BEND2: variants seen among roughly 807,000 people sequenced by gnomAD.
BEND2 encodes BEN domain containing 2.
In BEND2, 19 loss-of-function variants were observed where a neutral mutation model predicts 43.8. The observed-to-expected ratio is 0.43, with a 90% CI of 0.30 to 0.64. The LOEUF (loss-of-function observed/expected upper bound fraction) is 0.64, where lower values mean the gene tolerates loss of function less well. BEND2 is among the 30% of genes least tolerant of loss of function. The probability of loss-of-function intolerance (pLI) is 0.11; values close to 1 mark genes in which losing one functional copy is unlikely to be tolerated. For synonymous variants in BEND2, 226 were observed against 210.1 expected, an observed-to-expected ratio of 1.08 and a Z score of -0.66; for missense variants, 544 against 574.0, an observed-to-expected ratio of 0.95 and a Z score of 0.53.
At chrX:18,208,203 A>C (rs925116674) in intron 4 of BEND2, among the ~76,000 whole-genome samples, 1 of 109,920 alleles carries the variant, frequency 9.1e-6, no homozygotes, top group African/African-American at 3.3e-5. Flanking sequence ...ATTCTAAAAA[A>C]TAGGCCAGGT....
intron 12 of BEND2, among the ~76,000 whole-genome samples, chrX:18,172,007 CTT>C (rs1158910774): frequency 9.0e-6 from 1 of 111,214 alleles, no homozygotes; most frequent in Non-Finnish European, 1.9e-5. Context: ...AGTTTTAAGA[CTT>C]TTCATTTCTC....
chrX:18,216,141 T>C (rs1451035836), intron 2 of BEND2, among the ~76,000 whole-genome samples: 1 of 111,672 alleles, frequency 9.0e-6, no homozygotes, highest in African/African-American at 3.3e-5. Flanking sequence ...TTTGAGACTT[T>C]CTACATAGAT....
chrX:18,205,170 G>C (rs776826929), intron 4 of BEND2, among the ~76,000 whole-genome samples: 2 of 110,639 alleles, frequency 1.8e-5, no homozygotes, highest in African/African-American at 6.6e-5. Flanking sequence ...CTTAAACAAA[G>C]GGCCAGAAAC....
At chrX:18,190,911 G>T in intron 8 of BEND2, 90 bp downstream of exon 8, 1 of 788,630 alleles carries the variant, frequency 1.3e-6, no homozygotes, top group Non-Finnish European at 1.8e-6. Flanking sequence ...ACTATTGGGG[G>T]AAACTGGGTA....
intron 3 of BEND2, among the ~76,000 whole-genome samples, chrX:18,212,988 C>G (rs1195200149): frequency 9.0e-6 from 1 of 111,633 alleles, no homozygotes; most frequent in East Asian, 2.8e-4. Context: ...GGGCTAACTG[C>G]TTTTGTAAAG....
chrX:18,214,208 C>T (rs1316533116), intron 2 of BEND2, among the ~76,000 whole-genome samples: 1 of 111,036 alleles, frequency 9.0e-6, no homozygotes, highest in Admixed American at 9.6e-5. Context: ...CAATTGAGCC[C>T]CGGAGTTCAA....
chrX:18,175,744 T>C (rs1447924198), intron 11 of BEND2, among the ~76,000 whole-genome samples: 1 of 112,418 alleles, frequency 8.9e-6, no homozygotes. Flanking sequence ...AATATACTAA[T>C]TATAGCACTT....
intron 12 of BEND2, among the ~76,000 whole-genome samples, chrX:18,172,798 C>T (rs1470634488): frequency 3.6e-5 from 4 of 110,608 alleles, no homozygotes; most frequent in African/African-American, 1.3e-4. Context: ...CAAAAAGAAA[C>T]AAAGTGGGAG....
At chrX:18,211,982 G>T (rs1171673497) in intron 4 of BEND2, among the ~76,000 whole-genome samples, 1 of 109,313 alleles carries the variant, frequency 9.1e-6, no homozygotes, top group Non-Finnish European at 1.9e-5. Flanking sequence ...AACTCATCTA[G>T]GATGGAAAAA....
At chrX:18,194,336 T>C (rs189590612) in intron 7 of BEND2, among the ~76,000 whole-genome samples, 68 of 110,892 alleles carry the variant, frequency 6.1e-4, no homozygotes, top group African/African-American at 2.0e-3. Flanking sequence ...TACATGAATG[T>C]TCAAAGTGGC....
At chrX:18,181,108 G>A (rs1386045262) in intron 8 of BEND2, among the ~76,000 whole-genome samples, 1 of 111,110 alleles carries the variant, frequency 9.0e-6, no homozygotes. Context: ...ATGATAGAAG[G>A]AACAGTGGCA....
rs753635122 is a variant in BEND2 at position 18,203,810 on chromosome X, C to T, written c.598G>A (p.Ala200Thr). 8.3e-7 allele frequency: 1 copy of T among 1,211,032 alleles called. No individual in the cohort carries two copies. Among genetic ancestry groups the T allele is most frequent in the East Asian group, 3.0e-5 (1 of 33,845 alleles). Reference sequence around the variant, plus strand: ...TATGATAAACTCTCACTGAGGTCTGCTTCCTGCAGTTCATGACATGCTGCT... The same window carrying T: ...TATGATAAACTCTCACTGAGGTCTGTTTCCTGCAGTTCATGACATGCTGCT... ...ESAACHELQEADLSESLSYPR... is the reference protein window; with the variant it reads ...ESAACHELQETDLSESLSYPR... Residue 200 changes from alanine (A) to threonine (T), a missense_variant, in exon 5 of 14, where the codon GCA becomes ACA. Around this residue, in one of 2 missense-constraint regions of BEND2, gnomAD observed 501 missense variants for 501.6 expected, o/e 1.00. Coordinates refer to ENST00000380033, the MANE Select transcript of BEND2 (RefSeq NM_153346.5).
intron 11 of BEND2, among the ~76,000 whole-genome samples, chrX:18,175,290 C>T (rs1029933498): frequency 1.2e-4 from 13 of 111,149 alleles, no homozygotes; most frequent in Non-Finnish European, 2.1e-4. Flanking sequence ...GACACAGGAG[C>T]GACTAGACGT....
chrX:18,183,221 C>T (rs1471496574), intron 8 of BEND2, among the ~76,000 whole-genome samples: 1 of 108,996 alleles, frequency 9.2e-6, no homozygotes, highest in East Asian at 2.9e-4. Flanking sequence ...CAGACCACAG[C>T]CTGAGCCAAA....
chrX:18,165,767 C>T (rs904084201), intron 13 of BEND2, among the ~76,000 whole-genome samples: 6 of 111,586 alleles, frequency 5.4e-5, no homozygotes, highest in Admixed American at 9.6e-5. Context: ...AAGGAGCACT[C>T]TTAGAGAAAG....
intron 8 of BEND2, among the ~76,000 whole-genome samples, chrX:18,186,686 C>A (rs906419047): frequency 9.1e-6 from 1 of 109,347 alleles, no homozygotes; most frequent in Non-Finnish European, 1.9e-5. Context: ...TGGGGCTGGG[C>A]ATGGTGGTTT....
chrX:18,187,178 A>G (rs56211618), intron 8 of BEND2, among the ~76,000 whole-genome samples: 17,015 of 110,495 alleles, frequency 0.15, 1,071 homozygotes, highest in East Asian at 0.34. Context: ...TAAATGGACT[A>G]AACTCTCCAA....
intron 13 of BEND2, among the ~76,000 whole-genome samples, chrX:18,168,013 G>C (rs73189196): frequency 4.6e-4 from 52 of 112,704 alleles, no homozygotes; most frequent in Non-Finnish European, 8.8e-4. Context: ...CGTATGTGAG[G>C]AATTCTGGAG....
chrX:18,184,198 G>A (rs1227791891), intron 8 of BEND2, among the ~76,000 whole-genome samples: 1 of 111,472 alleles, frequency 9.0e-6, no homozygotes, highest in Non-Finnish European at 1.9e-5. Context: ...CGTAAGGGAA[G>A]AGCCCAGGCG....
Sources: allele counts gnomAD v4.1 joint callset (sites outside exome capture counted in the v4.1 genomes callset), GRCh38; gene constraint gnomAD v4.1.1; regional missense constraint gnomAD v4.1.1; transcripts MANE v1.5; gene names NCBI Gene and HGNC (gene_info 2026-07-23, HGNC 2026-07-21).